TTLL13: variants seen among roughly 807,000 people sequenced by gnomAD.
TTLL13 encodes tubulin polyglutamylase TTLL13.
the TTLL13 span, chr15:90,249,947 T>TTTTA: frequency 0.17 from 24,619 of 147,570 alleles, 2,212 homozygotes; most frequent in Middle Eastern, 0.21. Context: ...CTGTATTTTA[T>TTTTA]TTTATTTATT....
chr15:90,257,260 G>A, the TTLL13 span: 137 of 1,612,846 alleles, frequency 8.5e-5, 1 homozygote, highest in Non-Finnish European at 1.1e-4. Flanking sequence ...CGCCCTATAT[G>A]GAGCCCAGCC....
chr15:90,262,774 G>T, the TTLL13 span: 1 of 1,254,796 alleles, frequency 8.0e-7, no homozygotes, highest in East Asian at 2.6e-5. Flanking sequence ...GCACAAGAGA[G>T]AGAGGAGTTC....
At chr15:90,255,698 C>G in the TTLL13 span, 1 of 1,611,878 alleles carries the variant, frequency 6.2e-7, no homozygotes, top group South Asian at 1.1e-5. Flanking sequence ...CTGGGATGCC[C>G]AGGTGCTAGG....
the TTLL13 span, chr15:90,258,768 C>T: frequency 8.5e-5 from 137 of 1,614,170 alleles, no homozygotes; most frequent in Admixed American, 1.2e-4. Context: ...AGCTTTACCA[C>T]GGACTCATGC....
At chr15:90,257,796 C>A in the TTLL13 span, 1 of 1,468,580 alleles carries the variant, frequency 6.8e-7, no homozygotes, top group Non-Finnish European at 9.5e-7. Context: ...TGAAACCAAG[C>A]TGGCTCTTGG....
chr15:90,259,152 C>A, the TTLL13 span: 1 of 982,840 alleles, frequency 1.0e-6, no homozygotes, highest in Non-Finnish European at 1.4e-6. Flanking sequence ...TGCTTGAGCC[C>A]TAGAGTTCAA....
chr15:90,249,644 G>C, the TTLL13 span: 1 of 152,252 alleles, frequency 6.6e-6, no homozygotes, highest in African/African-American at 2.4e-5. Context: ...CCTCGCGATC[G>C]TGGGGACAGC....
the TTLL13 span, among the ~76,000 whole-genome samples, chr15:90,260,369 C>T: frequency 1.3e-4 from 20 of 152,070 alleles, no homozygotes; most frequent in South Asian, 1.5e-3. Flanking sequence ...TAATGGTGCG[C>T]GCCTATGGTC....
At chr15:90,257,108 T>A in the TTLL13 span, 10 of 1,601,476 alleles carry the variant, frequency 6.2e-6, no homozygotes, top group East Asian at 2.2e-4. Flanking sequence ...AAAAGTGTTA[T>A]TATTCCCTCA....
At chr15:90,256,571 TTCTTTC>T in the TTLL13 span, among the ~76,000 whole-genome samples, 1 of 30,238 alleles carries the variant, frequency 3.3e-5, no homozygotes, top group African/African-American at 1.4e-4. Context: ...CTTTCTTTCT[TTCTTTC>T]TTTCTTTCTT....
At chr15:90,250,956 C>A in the TTLL13 span, 1 of 1,550,126 alleles carries the variant, frequency 6.5e-7, no homozygotes, top group South Asian at 1.2e-5. Context: ...CCTTCAACAT[C>A]TGGAGGAGCT....
chr15:90,253,255 G>A, the TTLL13 span: 14 of 1,613,486 alleles, frequency 8.7e-6, no homozygotes, highest in East Asian at 2.2e-5. Context: ...GCAGTGCGTC[G>A]GGCAGCCCAA....
chr15:90,250,427 T>C, the TTLL13 span, among the ~76,000 whole-genome samples: 1 of 152,144 alleles, frequency 6.6e-6, no homozygotes, highest in Non-Finnish European at 1.5e-5. Context: ...CTCACTGGTG[T>C]CTTCCACCCC....
the TTLL13 span, chr15:90,255,821 C>A: frequency 2.5e-6 from 4 of 1,614,130 alleles, no homozygotes; most frequent in Non-Finnish European, 3.4e-6. Context: ...GAACCTCAAC[C>A]GCATGTACAA....
the TTLL13 span, among the ~76,000 whole-genome samples, chr15:90,261,389 T>C: frequency 6.6e-6 from 1 of 151,892 alleles, no homozygotes; most frequent in Non-Finnish European, 1.5e-5. Context: ...ACTTTTTTTT[T>C]TTTTTTCAAA....
the TTLL13 span, among the ~76,000 whole-genome samples, chr15:90,261,430 T>G: frequency 3.9e-5 from 6 of 151,900 alleles, no homozygotes; most frequent in African/African-American, 1.5e-4. Flanking sequence ...ATATGTTACT[T>G]TTACAATCAG....
At chr15:90,260,117 G>A in the TTLL13 span, among the ~76,000 whole-genome samples, 1 of 152,198 alleles carries the variant, frequency 6.6e-6, no homozygotes, top group Non-Finnish European at 1.5e-5. Flanking sequence ...CATGAAATGT[G>A]TCTTTCAATA....
At chr15:90,253,961 A>T in the TTLL13 span, among the ~76,000 whole-genome samples, 1 of 152,344 alleles carries the variant, frequency 6.6e-6, no homozygotes, top group Admixed American at 6.5e-5. Flanking sequence ...CTGTCCCACA[A>T]CTAGTCTTGG....
chr15:90,265,249 G>T, the TTLL13 span: 1 of 1,293,842 alleles, frequency 7.7e-7, no homozygotes, highest in South Asian at 1.7e-5. Context: ...TAGGTGATGG[G>T]TCTGAACCCT....
Sources: gnomAD v4.1 joint callset for allele counts (sites outside exome capture counted in the v4.1 genomes callset) on GRCh38, gnomAD v4.1.1 for gene constraint, MANE v1.5 for transcripts, NCBI Gene and HGNC (gene_info 2026-07-23, HGNC 2026-07-21) for gene names.